The following RPS6KA2 variants were observed in gnomAD, a reference collection of about 807,000 sequenced individuals.
RPS6KA2 encodes ribosomal protein S6 kinase alpha-2.
Under a neutral mutation model 91.8 loss-of-function variants are expected in RPS6KA2, and 42 were observed. The observed-to-expected ratio is 0.46, with a 90% CI of 0.36 to 0.59. The LOEUF (loss-of-function observed/expected upper bound fraction) is 0.59, where lower values mean the gene tolerates loss of function less well. RPS6KA2 is among the 20% of genes least tolerant of loss of function. The pLI, the probability that RPS6KA2 is intolerant of heterozygous loss-of-function variation, is 0.00. For missense variants in RPS6KA2, 798 were observed against 978.5 expected (o/e 0.82, Z 2.46); for synonymous variants, 414 against 393.6 (o/e 1.05, Z -0.61).
intron 3 of RPS6KA2, among the ~76,000 whole-genome samples, chr6:166,527,907 C>A (rs1212625175): frequency 6.6e-6 from 1 of 152,254 alleles, no homozygotes; most frequent in Non-Finnish European, 1.5e-5. Flanking sequence ...TGCCCAATAT[C>A]ATTCCGTTGA....
chr6:166,851,121 A>C (rs1780728806), intron 2 of RPS6KA2, among the ~76,000 whole-genome samples: 1 of 152,038 alleles, frequency 6.6e-6, no homozygotes, highest in Non-Finnish European at 1.5e-5. Context: ...AAACTAACAG[A>C]CCTCCTGCCC....
At chr6:166,469,642 C>T (rs1780681574) in intron 11 of RPS6KA2, among the ~76,000 whole-genome samples, 199 bp downstream of exon 11, 1 of 152,166 alleles carries the variant, frequency 6.6e-6, no homozygotes, top group African/African-American at 2.4e-5. Context: ...GGGAGGGGCA[C>T]TCACGTGTCT....
chr6:166,630,563 C>G (rs776442041), upstream of RPS6KA2, among the ~76,000 whole-genome samples: 6 of 152,254 alleles, frequency 3.9e-5, no homozygotes, highest in Non-Finnish European at 5.9e-5. Flanking sequence ...TGCTGGCCAT[C>G]TGCGAAAGCA....
chr6:166,766,172 G>C (rs1319187644), intron 2 of RPS6KA2, among the ~76,000 whole-genome samples: 1 of 152,156 alleles, frequency 6.6e-6, no homozygotes, highest in Non-Finnish European at 1.5e-5. Context: ...TCACTGAATA[G>C]AGGATACCTT....
Position 166,753,432 on chromosome 6 carries a change from TTTC to T in RPS6KA2, c.123+104765_123+104767del, listed in dbSNP as rs536334985. Among the ~76,000 whole-genome samples the T allele has an allele frequency of 9.2e-5, 14 of 152,360 alleles. No individual in the cohort carries two copies. In the East Asian group the frequency reaches 2.7e-3, roughly 29 times the overall value. ...ACATGTGTAATGCTGTTGGAATTTT[TTTC>T]TTGTCTTATGAACACAAAATGTCCT... is the stretch of plus-strand genomic sequence containing the variant. On this transcript the variant is annotated intron_variant, in intron 2 of 21. Coordinates refer to the RPS6KA2 transcript ENST00000503859.
intron 2 of RPS6KA2, among the ~76,000 whole-genome samples, chr6:166,788,569 A>G (rs1439696674): frequency 6.6e-6 from 1 of 152,190 alleles, no homozygotes; most frequent in African/African-American, 2.4e-5. Flanking sequence ...CATCATCCTC[A>G]ACAAACTAAC....
rs1316746699 is a variant in RPS6KA2, at chr6:166,508,658, G to A, written c.380-376C>T. Among the ~76,000 whole-genome samples the A allele has an allele frequency of 1.3e-5, 2 of 152,184 alleles. No homozygotes were observed. The highest frequency in any genetic ancestry group is 1.5e-5 in the Non-Finnish European group (1 of 68,022). On this transcript the variant is annotated intron_variant, in intron 4 of 20. Transcript: ENST00000265678. This position sits in a 1 kb window ranked among gnomAD's most constrained non-coding sequence, Gnocchi z 4.3. ...TAGTGAGCAGCCTGAAGATGGCTCT[G>A]GTGGGTTTGGAGGACATGTCCTTTC...
At chr6:166,685,988 G>T (rs1013765659) in intron 2 of RPS6KA2, among the ~76,000 whole-genome samples, 1 of 152,202 alleles carries the variant, frequency 6.6e-6, no homozygotes, top group Non-Finnish European at 1.5e-5. Context: ...TGAGACGAAG[G>T]AGCTGTGAGG....
At position 166,648,085 on chromosome 6, in the gene RPS6KA2, TACAC is replaced by T. The variant is rs148131554; in HGVS notation, c.124-109305_124-109302del. Among the ~76,000 whole-genome samples, 5 of 130,446 alleles carry T rather than the reference TACAC, an allele frequency of 3.8e-5. No individual in the cohort carries two copies. Among genetic ancestry groups the T allele is most frequent in the African/African-American group, 5.9e-5 (2 of 33,766 alleles). The allele number at this position is 130,446 out of a possible 152,430, so 85.6% of individuals were successfully genotyped here. A position where few individuals can be genotyped will look rare whatever the true frequency, so the allele number is the denominator to read the frequency against. On this transcript the variant is annotated intron_variant, in intron 2 of 21. Coordinates refer to the RPS6KA2 transcript ENST00000503859. The surrounding 1 kb of genome is among the most constrained non-coding windows in gnomAD (Gnocchi z 4.8). ...ACACACATGCACACGCACATGGTCA[TACAC>T]ACACGCTCATACACACACGTGCACA...
intron 1 of RPS6KA2, among the ~76,000 whole-genome samples, chr6:166,620,413 C>T (rs182632999): frequency 6.6e-6 from 1 of 152,304 alleles, no homozygotes; most frequent in East Asian, 1.9e-4. Context: ...CTCAGCCATT[C>T]CTTGTGGGCT....
intron 1 of RPS6KA2, among the ~76,000 whole-genome samples, chr6:166,561,269 T>C (rs1236286460): frequency 6.6e-6 from 1 of 152,020 alleles, no homozygotes; most frequent in Non-Finnish European, 1.5e-5. Flanking sequence ...TTCAAGACCT[T>C]CCCTCCATCC....
At chr6:166,571,661 TTAGA>T (rs1424705123) in intron 1 of RPS6KA2, among the ~76,000 whole-genome samples, 6 of 142,138 alleles carry the variant, frequency 4.2e-5, no homozygotes, top group Admixed American at 2.2e-4. Context: ...AGAAATAAAA[TTAGA>T]TAGGTGAGAG....
chr6:166,477,088 G>A (rs1383163607), intron 10 of RPS6KA2, among the ~76,000 whole-genome samples: 2 of 152,186 alleles, frequency 1.3e-5, no homozygotes, highest in African/African-American at 2.4e-5. Context: ...GCCCAGCGGG[G>A]TTTTCAGACT....
At chr6:166,728,249 G>T (rs1229357995) in intron 2 of RPS6KA2, among the ~76,000 whole-genome samples, 1 of 152,164 alleles carries the variant, frequency 6.6e-6, no homozygotes, top group Non-Finnish European at 1.5e-5. Context: ...GGGCGGACTG[G>T]CCAGGGTGAT....
At chr6:166,455,467 G>A (rs1780070550) in intron 12 of RPS6KA2, among the ~76,000 whole-genome samples, 1 of 152,136 alleles carries the variant, frequency 6.6e-6, no homozygotes, top group Admixed American at 6.5e-5. Flanking sequence ...CCAGGTGTCG[G>A]CCCTCAAAGG....
chr6:166,438,581 T>C (rs979314354), intron 14 of RPS6KA2, among the ~76,000 whole-genome samples: 1 of 152,248 alleles, frequency 6.6e-6, no homozygotes, highest in South Asian at 2.1e-4. Flanking sequence ...TTAACTCATG[T>C]GCTTCTTTCT....
intron 2 of RPS6KA2, among the ~76,000 whole-genome samples, chr6:166,776,998 A>G (rs1778638863): frequency 6.6e-6 from 1 of 152,228 alleles, no homozygotes. Flanking sequence ...AGAAATGTCT[A>G]CTTAAGCCCA....
At chr6:166,467,281 C>T (rs1179071744) in intron 11 of RPS6KA2, among the ~76,000 whole-genome samples, 1 of 152,220 alleles carries the variant, frequency 6.6e-6, no homozygotes, top group Non-Finnish European at 1.5e-5. Context: ...TCATAAAGTG[C>T]CTCCTTTGAG....
chr6:166,672,457 C>T (rs1366579357), intron 2 of RPS6KA2, among the ~76,000 whole-genome samples: 1 of 152,226 alleles, frequency 6.6e-6, no homozygotes. Flanking sequence ...CTCCAACTAG[C>T]ACTGCAGAAT....
Sources: gnomAD v4.1 joint callset for allele counts (sites outside exome capture counted in the v4.1 genomes callset) on GRCh38, gnomAD v4.1.1 for gene constraint, Gnocchi (gnomAD v3.1) non-coding constraint, MANE v1.5 for transcripts, NCBI Gene and HGNC (gene_info 2026-07-23, HGNC 2026-07-21) for gene names.